The following KHDRBS3 variants were observed in gnomAD, a reference collection of about 807,000 sequenced individuals.
KHDRBS3 encodes KH domain-containing, RNA-binding, signal transduction-associated protein 3.
Under a neutral mutation model 45.6 loss-of-function variants are expected in KHDRBS3, and 23 were observed. That is an observed-to-expected ratio of 0.50 (90% CI 0.36 to 0.72). The LOEUF is 0.72. Ranked by LOEUF, KHDRBS3 falls within the 30% of genes least tolerant of loss-of-function variation. The pLI is 0.00. For missense variants in KHDRBS3, 352 were observed against 424.8 expected (o/e 0.83, Z 1.51); for synonymous variants, 162 against 156.5 (o/e 1.04, Z -0.26).
At chr8:135,507,799 G>A (rs1400913300) in intron 1 of KHDRBS3, among the ~76,000 whole-genome samples, 1 of 152,166 alleles carries the variant, frequency 6.6e-6, no homozygotes, top group Non-Finnish European at 1.5e-5. Flanking sequence ...TCTATGCTGA[G>A]ATATTTCATT....
intron 7 of KHDRBS3, among the ~76,000 whole-genome samples, chr8:135,633,850 A>G (rs1830704866): frequency 6.6e-6 from 1 of 152,212 alleles, no homozygotes; most frequent in Non-Finnish European, 1.5e-5. Context: ...TGTGTTTGTT[A>G]CAATCAGTGA....
chr8:135,655,227 C>T (rs900064215), intron 4 of KHDRBS3, among the ~76,000 whole-genome samples: 2 of 152,206 alleles, frequency 1.3e-5, no homozygotes, highest in African/African-American at 4.8e-5. Context: ...TTCATCCTAG[C>T]AGTACTGATG....
At chr8:135,492,854 AAC>A (rs1368083899) in intron 1 of KHDRBS3, among the ~76,000 whole-genome samples, 3 of 152,116 alleles carry the variant, frequency 2.0e-5, no homozygotes, top group Non-Finnish European at 4.4e-5. Context: ...TTTCTGCAAA[AAC>A]AGTCTACTGT....
At chr8:135,483,011 G>T (rs946520383) in intron 1 of KHDRBS3, among the ~76,000 whole-genome samples, 10 of 152,034 alleles carry the variant, frequency 6.6e-5, no homozygotes, top group Non-Finnish European at 1.5e-4. Context: ...GTGCTTTGTT[G>T]TTCTCATGCT....
At chr8:135,517,963 T>C (rs765716360) in intron 1 of KHDRBS3, among the ~76,000 whole-genome samples, 46 of 152,224 alleles carry the variant, frequency 3.0e-4, no homozygotes, top group Admixed American at 7.2e-4. Flanking sequence ...TTCATTTTCC[T>C]TTTTAAAATA....
chr8:135,478,094 A>C (rs1243040645), intron 1 of KHDRBS3, among the ~76,000 whole-genome samples: 1 of 151,904 alleles, frequency 6.6e-6, no homozygotes, highest in African/African-American at 2.4e-5. Flanking sequence ...ATCCCCTTGC[A>C]CTCCTGTCTA....
At chr8:135,551,748 A>G (rs765173258) in intron 4 of KHDRBS3, among the ~76,000 whole-genome samples, 10 of 152,010 alleles carry the variant, frequency 6.6e-5, no homozygotes, top group Admixed American at 1.3e-4. Context: ...AACTTATACT[A>G]TTTTGGGTGC....
chr8:135,554,474 A>C (rs2130819784), intron 4 of KHDRBS3, among the ~76,000 whole-genome samples: 1 of 152,312 alleles, frequency 6.6e-6, no homozygotes, highest in South Asian at 2.1e-4. Flanking sequence ...ATTTTCAGTA[A>C]AATGGCTGGG....
intron 2 of KHDRBS3, among the ~76,000 whole-genome samples, chr8:135,536,966 CAAAAAAAAAAAA>C (rs869256475): frequency 5.9e-4 from 7 of 11,778 alleles, no homozygotes; most frequent in Admixed American, 1.6e-3. Context: ...AACTCCATCT[CAAAAAAAAAAAA>C]AAAAAAAAAA....
chr8:135,529,289 C>T (rs921661453), intron 2 of KHDRBS3, among the ~76,000 whole-genome samples: 3 of 152,158 alleles, frequency 2.0e-5, no homozygotes, highest in Non-Finnish European at 4.4e-5. Context: ...TTGTCCTGTT[C>T]TCAGAGGCTC....
At chr8:135,501,030 C>T (rs1307671644) in intron 1 of KHDRBS3, among the ~76,000 whole-genome samples, 2 of 152,014 alleles carry the variant, frequency 1.3e-5, no homozygotes, top group East Asian at 1.9e-4. Flanking sequence ...AAAAAATGAC[C>T]CTCCTGCATT....
At chr8:135,461,581 T>C (rs1484145709) in intron 1 of KHDRBS3, among the ~76,000 whole-genome samples, 1 of 152,198 alleles carries the variant, frequency 6.6e-6, no homozygotes, top group Non-Finnish European at 1.5e-5. Flanking sequence ...TGTTGCATGT[T>C]TTATATTTGC....
At chr8:135,576,765 T>C (rs1827963383) in intron 5 of KHDRBS3, among the ~76,000 whole-genome samples, 1 of 152,352 alleles carries the variant, frequency 6.6e-6, no homozygotes, top group Admixed American at 6.5e-5. Context: ...TGGGATGTGC[T>C]GAAGTCTGCG....
intron 5 of KHDRBS3, among the ~76,000 whole-genome samples, chr8:135,574,143 G>GTGTTAGCACGTCACCTCCATCA (rs869203010): frequency 0.011 from 892 of 78,038 alleles, 17 homozygotes; most frequent in Non-Finnish European, 0.014. Flanking sequence ...CAGGATTCTT[G>GTGTTAGCACGTCACCTCCATCA]TGTTAGCACG....
intron 1 of KHDRBS3, among the ~76,000 whole-genome samples, chr8:135,506,925 G>A (rs376517802): frequency 5.9e-5 from 9 of 151,640 alleles, no homozygotes; most frequent in African/African-American, 2.2e-4. Flanking sequence ...CATTTATCCT[G>A]TAGGATAAAC....
chr8:135,512,963 A>G (rs964022675), intron 1 of KHDRBS3, among the ~76,000 whole-genome samples: 1 of 152,208 alleles, frequency 6.6e-6, no homozygotes, highest in African/African-American at 2.4e-5. Flanking sequence ...CTGTAATCCC[A>G]GCACTTTGGG....
chr8:135,524,735 A>G (rs2317277), intron 2 of KHDRBS3, among the ~76,000 whole-genome samples: 83,600 of 150,636 alleles, frequency 0.55, 24,239 homozygotes, highest in East Asian at 0.78. Context: ...TATAACTTTT[A>G]CTGCTGTATC....
chr8:135,583,335 C>T (rs983922857), intron 6 of KHDRBS3, among the ~76,000 whole-genome samples: 3 of 152,206 alleles, frequency 2.0e-5, no homozygotes, highest in African/African-American at 7.2e-5. Flanking sequence ...TGTTTCCTCT[C>T]TTTGAATTCG....
chr8:135,585,228 CAAA>C (rs35301059), intron 6 of KHDRBS3, among the ~76,000 whole-genome samples: 2 of 96,168 alleles, frequency 2.1e-5, no homozygotes, highest in Non-Finnish European at 2.0e-5. Context: ...GACTCCGTCT[CAAA>C]AAAAAAAAAA....
Sources: gnomAD v4.1 joint callset for allele counts (sites outside exome capture counted in the v4.1 genomes callset) on GRCh38, gnomAD v4.1.1 for gene constraint, MANE v1.5 for transcripts, NCBI Gene and HGNC (gene_info 2026-07-23, HGNC 2026-07-21) for gene names.